ZNRF1: variants seen among roughly 807,000 people sequenced by gnomAD.
The protein encoded by ZNRF1 is E3 ubiquitin-protein ligase ZNRF1.
In ZNRF1, 3 loss-of-function variants were observed where a neutral mutation model predicts 18.4. That is an observed-to-expected ratio of 0.16 (90% CI 0.07 to 0.42). The LOEUF (loss-of-function observed/expected upper bound fraction) is 0.42. ZNRF1 is among the 10% of genes least tolerant of loss of function. The pLI is 0.99. For synonymous variants in ZNRF1, 157 were observed against 144.2 expected, an observed-to-expected ratio of 1.09 and a Z score of -0.64; for missense variants, 310 against 329.8, an observed-to-expected ratio of 0.94 and a Z score of 0.47.
At chr16:75,031,714 C>T (rs2035306974) in intron 1 of ZNRF1, among the ~76,000 whole-genome samples, 1 of 152,056 alleles carries the variant, frequency 6.6e-6, no homozygotes. Flanking sequence ...GTTGCCCAGG[C>T]TGTTCTCGAA....
rs138885146 is a variant in ZNRF1, at chr16:75,103,511, G to A, written c.521-1273G>A. On this transcript the variant is annotated intron_variant, in intron 2 of 4. Transcript: ENST00000335325. The stretch of plus-strand genomic sequence containing the variant: ...GACTAGTGGTGGCCAGGGGCTGGGC[G>A]GGGGGAAGGGGAGTGGTGGATTAAT... Among the ~76,000 whole-genome samples the A allele has an allele frequency of 3.8e-3, 583 of 151,766 alleles. 5 individuals carry two copies. Among genetic ancestry groups the A allele is most frequent in the African/African-American group, 0.013 (555 of 41,468 alleles).
chr16:75,055,860 A>G (rs922613386), intron 1 of ZNRF1, among the ~76,000 whole-genome samples: 3 of 152,202 alleles, frequency 2.0e-5, no homozygotes, highest in African/African-American at 7.2e-5. Flanking sequence ...CTTGTCTCCA[A>G]CTGGGCACAT....
intron 1 of ZNRF1, among the ~76,000 whole-genome samples, chr16:75,013,564 C>G (rs1290699836): frequency 1.3e-5 from 2 of 152,162 alleles, no homozygotes; most frequent in Admixed American, 1.3e-4. Context: ...CCAGGATGGT[C>G]TCAATCTGTT....
intron 1 of ZNRF1, among the ~76,000 whole-genome samples, chr16:75,022,530 C>T (rs2035165865): frequency 6.6e-6 from 1 of 151,550 alleles, no homozygotes; most frequent in South Asian, 2.1e-4. Context: ...TGTGCCACTG[C>T]ACTCCAGCCT....
intron 1 of ZNRF1, among the ~76,000 whole-genome samples, chr16:75,082,079 A>G (rs921207731): frequency 3.3e-5 from 5 of 152,080 alleles, no homozygotes; most frequent in South Asian, 2.1e-4. Flanking sequence ...GGGTCTCACT[A>G]TGTTGCCCAG....
At chr16:75,020,932 A>G (rs573494802) in intron 1 of ZNRF1, among the ~76,000 whole-genome samples, 3 of 152,316 alleles carry the variant, frequency 2.0e-5, no homozygotes, top group African/African-American at 4.8e-5. Context: ...TTTGGCTTGC[A>G]TGCTTCATTA....
rs548021260 is a variant in ZNRF1, at chr16:75,053,264, C to T, written c.425-40308C>T. Among the ~76,000 whole-genome samples, 7 of 152,224 alleles carry T rather than the reference C, an allele frequency of 4.6e-5. No homozygotes were observed. In the South Asian group the frequency reaches 1.2e-3, roughly 27 times the overall value. On this transcript the variant is annotated intron_variant, in intron 1 of 4. Coordinates refer to ENST00000335325, the MANE Select transcript of ZNRF1 (RefSeq NM_032268.5). Reference sequence around the variant, plus strand: ...AGAGGGTCAGAAAAGCATTTTTGTTCTCTAACTTGAGGACTCCAGCTAAAA... The same window carrying T: ...AGAGGGTCAGAAAAGCATTTTTGTTTTCTAACTTGAGGACTCCAGCTAAAA...
intron 1 of ZNRF1, among the ~76,000 whole-genome samples, chr16:75,038,111 G>A (rs1029783244): frequency 1.3e-5 from 2 of 152,048 alleles, no homozygotes; most frequent in African/African-American, 4.8e-5. Context: ...CTGTTGTTAG[G>A]CAACAAAACC....
chr16:75,008,407 C>T (rs903492013), intron 1 of ZNRF1, among the ~76,000 whole-genome samples: 1 of 152,194 alleles, frequency 6.6e-6, no homozygotes, highest in Non-Finnish European at 1.5e-5. Context: ...CTGCACTTGT[C>T]TTCCTCCTGA....
intron 1 of ZNRF1, chr16:75,046,867 C>G (rs770757131): frequency 6.5e-6 from 1 of 154,144 alleles, no homozygotes; most frequent in Non-Finnish European, 1.5e-5. Flanking sequence ...TGAGCCACCA[C>G]GCCCGGAATG....
At chr16:75,063,969 G>A (rs553859780) in intron 1 of ZNRF1, among the ~76,000 whole-genome samples, 5 of 152,312 alleles carry the variant, frequency 3.3e-5, no homozygotes, top group South Asian at 2.1e-4. Context: ...TTAAAATACG[G>A]GGCTCCATTC....
intron 1 of ZNRF1, among the ~76,000 whole-genome samples, chr16:75,044,599 C>T (rs773165463): frequency 2.0e-5 from 3 of 151,838 alleles, no homozygotes; most frequent in Non-Finnish European, 4.4e-5. Context: ...CTCCTGGCCT[C>T]AAGCGATCCT....
chr16:75,003,783 A>G (rs2034883549), intron 1 of ZNRF1, among the ~76,000 whole-genome samples: 1 of 152,188 alleles, frequency 6.6e-6, no homozygotes, highest in Non-Finnish European at 1.5e-5. Context: ...ATTTAACCTC[A>G]GTCACAATTT....
chr16:75,034,278 C>G (rs1597870745), intron 1 of ZNRF1, among the ~76,000 whole-genome samples: 1 of 152,362 alleles, frequency 6.6e-6, no homozygotes, highest in African/African-American at 2.4e-5. Context: ...AACTATAACT[C>G]TGTACCCATT....
In ZNRF1 at chr16:74,999,643, G is replaced by C. The variant is rs2034810093; in HGVS notation, c.-29G>C. On this transcript the variant is annotated 5_prime_UTR_variant, in exon 1 of 5. Coordinates refer to ENST00000335325, the MANE Select transcript of ZNRF1 (RefSeq NM_032268.5). ...AGTGGGGGAGGGTCTCGGCCTCCAG[G>C]TTCCCGCCCCACCGGGGCCCGGGCG... is the stretch of plus-strand genomic sequence containing the variant. 2 of 1,326,526 alleles carry C rather than the reference G, an allele frequency of 1.5e-6. No individual in the cohort carries two copies. Among genetic ancestry groups the C allele is most frequent in the African/African-American group, 3.1e-5 (2 of 64,744 alleles). 82.2% of individuals were successfully genotyped at this position (1,326,526 alleles called of 1,614,324 possible). A position where few individuals can be genotyped will look rare whatever the true frequency, so the allele number is the denominator to read the frequency against.
chr16:75,032,104 G>GTTTTTTTTTTTTTTTTTT (rs1162819265), intron 1 of ZNRF1, among the ~76,000 whole-genome samples: 5 of 108,650 alleles, frequency 4.6e-5, no homozygotes, highest in Non-Finnish European at 7.1e-5. Flanking sequence ...TTCTTGTGAG[G>GTTTTTTTTTTTTTTTTTT]TTTTTTTTTT....
At chr16:75,104,685 G>T (rs1026413270) in intron 2 of ZNRF1, 99 bp from the exon 3 acceptor site, 4 of 1,014,158 alleles carry the variant, frequency 3.9e-6, no homozygotes, top group Admixed American at 2.1e-5. Flanking sequence ...ACAGCTTGGG[G>T]CAGCTAAGCA....
intron 1 of ZNRF1, among the ~76,000 whole-genome samples, chr16:75,054,327 A>G (rs2035643318): frequency 6.6e-6 from 1 of 152,234 alleles, no homozygotes; most frequent in Non-Finnish European, 1.5e-5. Context: ...CTCTTGTTCT[A>G]AAAGTCCATT....
intron 1 of ZNRF1, among the ~76,000 whole-genome samples, chr16:75,056,881 C>T (rs2035674167): frequency 6.6e-6 from 1 of 152,168 alleles, no homozygotes; most frequent in Admixed American, 6.5e-5. Flanking sequence ...ATGTGATCCA[C>T]CCGCCTTGGC....
Sources: allele counts gnomAD v4.1 joint callset (sites outside exome capture counted in the v4.1 genomes callset), GRCh38; gene constraint gnomAD v4.1.1; transcripts MANE v1.5; gene names NCBI Gene and HGNC (gene_info 2026-07-23, HGNC 2026-07-21).